The following MSRB3 variants were observed in gnomAD, a reference collection of about 807,000 sequenced individuals.
MSRB3 encodes the protein methionine sulfoxide reductase B3.
MSRB3 carries 13 observed loss-of-function variants against 21.0 expected under a neutral mutation model. That is an observed-to-expected ratio of 0.62 (90% CI 0.40 to 0.98). The LOEUF is 0.98. Ranked by LOEUF, MSRB3 falls within the 50% of genes least tolerant of loss-of-function variation. The pLI is 0.00. For synonymous variants in MSRB3, 87 were observed against 88.6 expected (o/e 0.98, Z 0.10); for missense variants, 199 against 230.3 (o/e 0.86, Z 0.88).
chr12:65,419,140 A>G (rs1219236320), intron 5 of MSRB3: 2 of 682,160 alleles, frequency 2.9e-6, no homozygotes, highest in African/African-American at 3.5e-5. Flanking sequence ...TGAGAGCATC[A>G]TCTCAACAGC....
intron 4 of MSRB3, among the ~76,000 whole-genome samples, chr12:65,337,263 C>CA (rs201263305): frequency 0.035 from 5,137 of 148,630 alleles, 295 homozygotes; most frequent in African/African-American, 0.13. Context: ...AAAAACAAAA[C>CA]AAAACAAAAA....
intron 5 of MSRB3, among the ~76,000 whole-genome samples, chr12:65,412,588 A>T (rs1880772401): frequency 6.6e-6 from 1 of 152,150 alleles, no homozygotes; most frequent in Non-Finnish European, 1.5e-5. Context: ...AGGTTGGTGC[A>T]AAAGTAGTTG....
intron 4 of MSRB3, among the ~76,000 whole-genome samples, chr12:65,350,469 T>C (rs1876886526): frequency 6.6e-6 from 1 of 150,920 alleles, no homozygotes; most frequent in Non-Finnish European, 1.5e-5. Context: ...CAATATTAAC[T>C]TTAAATGTAA....
At chr12:65,427,076 C>T (rs1474733595) in intron 5 of MSRB3, among the ~76,000 whole-genome samples, 1 of 152,180 alleles carries the variant, frequency 6.6e-6, no homozygotes, top group Non-Finnish European at 1.5e-5. Flanking sequence ...TTATTGTGTT[C>T]TCTTGGTAGT....
chr12:65,340,003 A>C (rs1272918801), intron 4 of MSRB3, among the ~76,000 whole-genome samples: 1 of 152,250 alleles, frequency 6.6e-6, no homozygotes, highest in Non-Finnish European at 1.5e-5. Flanking sequence ...ATTACCAGGC[A>C]TACCAAAGTA....
At position 65,323,213 on chromosome 12, in the gene MSRB3, A is replaced by G. The variant is rs114791633; in HGVS notation, c.77-3613A>G. 2.7e-3 allele frequency among the ~76,000 whole-genome samples: 414 copies of G among 152,340 alleles called. 1 individual carries two copies. The highest frequency in any genetic ancestry group is 9.7e-3 in the African/African-American group (403 of 41,566). On this transcript the variant is annotated intron_variant, in intron 2 of 6. Coordinates refer to ENST00000308259, the MANE Select transcript of MSRB3 (RefSeq NM_001031679.3). ...TGGCTGGGAAGCAGGCAGAGCCACA[A>G]AGCAAACTGTTGCTGTACGTTTATT...
chr12:65,359,663 A>C (rs1266477139), intron 4 of MSRB3, among the ~76,000 whole-genome samples: 6 of 152,188 alleles, frequency 3.9e-5, no homozygotes, highest in Admixed American at 3.9e-4. Flanking sequence ...GGTGGTCTCC[A>C]GTAATTTGCA....
intron 5 of MSRB3, among the ~76,000 whole-genome samples, chr12:65,416,163 C>T (rs1169690594): frequency 6.6e-6 from 1 of 152,214 alleles, no homozygotes; most frequent in Non-Finnish European, 1.5e-5. Context: ...GGAAGCCAAT[C>T]CTTTGGTACA....
Position 65,465,490 on chromosome 12 carries a change from G to C in MSRB3, c.*2168G>C, listed in dbSNP as rs987236334. ...TAAAGAAACAACAAGAAATTAGAATGAAAATCTGTGACAAACAGCGTCAGT... is the reference window on the plus strand; with the variant it reads ...TAAAGAAACAACAAGAAATTAGAATCAAAATCTGTGACAAACAGCGTCAGT... On this transcript the variant is annotated 3_prime_UTR_variant, in exon 7 of 7. Transcript: ENST00000308259. 8 of 152,284 alleles carry C rather than the reference G, an allele frequency of 5.3e-5. No individual in the cohort carries two copies. The highest frequency in any genetic ancestry group is 1.9e-4 in the African/African-American group (8 of 41,564). The allele number at this position is 152,284 out of a possible 1,614,324, so 9.4% of individuals were successfully genotyped here.
intron 2 of MSRB3, among the ~76,000 whole-genome samples, chr12:65,311,822 T>C (rs1273725370): frequency 6.6e-6 from 1 of 152,090 alleles, no homozygotes; most frequent in Non-Finnish European, 1.5e-5. Flanking sequence ...GCTCTTAAAG[T>C]TGATTATAAC....
At chr12:65,437,278 G>A (rs150639424) in intron 5 of MSRB3, among the ~76,000 whole-genome samples, 7 of 151,858 alleles carry the variant, frequency 4.6e-5, no homozygotes, top group South Asian at 4.2e-4. Flanking sequence ...AGTAGAGATC[G>A]GCATAGCCAC....
At chr12:65,351,834 C>A (rs1310148154) in intron 4 of MSRB3, among the ~76,000 whole-genome samples, 3 of 152,076 alleles carry the variant, frequency 2.0e-5, no homozygotes, top group African/African-American at 4.8e-5. Context: ...GTTTACCAAC[C>A]AAAAAGAGTC....
At chr12:65,297,250 G>A (rs879846779) in intron 1 of MSRB3, among the ~76,000 whole-genome samples, 1 of 152,084 alleles carries the variant, frequency 6.6e-6, no homozygotes, top group Non-Finnish European at 1.5e-5. Flanking sequence ...AGAGCATTAG[G>A]AAAAATAGCT....
chr12:65,416,617 T>C (rs1284225206), intron 5 of MSRB3, among the ~76,000 whole-genome samples: 1 of 152,194 alleles, frequency 6.6e-6, no homozygotes, highest in Non-Finnish European at 1.5e-5. Flanking sequence ...TGTAACTGGT[T>C]AAGTCTTTAT....
chr12:65,336,058 C>T (rs1254643449), intron 4 of MSRB3, among the ~76,000 whole-genome samples: 4 of 152,046 alleles, frequency 2.6e-5, no homozygotes, highest in Non-Finnish European at 5.9e-5. Flanking sequence ...TTCTCTCAGC[C>T]CACTGACCCT....
At chr12:65,283,285 AC>A (rs1872147785) in intron 1 of MSRB3, among the ~76,000 whole-genome samples, 1 of 152,190 alleles carries the variant, frequency 6.6e-6, no homozygotes, top group African/African-American at 2.4e-5. Context: ...TCTTCATACC[AC>A]AGAATTTGTA....
At chr12:65,374,414 T>C (rs1878488180) in intron 5 of MSRB3, among the ~76,000 whole-genome samples, 1 of 152,214 alleles carries the variant, frequency 6.6e-6, no homozygotes, top group South Asian at 2.1e-4. Flanking sequence ...AATCTTATGC[T>C]GGTTGGTTGG....
chr12:65,328,590 A>T lies in MSRB3; in HGVS notation c.250A>T (p.Thr84Ser). The change falls in exon 4 of 7, where the codon ACT becomes TCT. Residue 84 changes from threonine to serine, a missense_variant. Thr to Ser is a moderately conservative substitution (Grantham distance 58). Coordinates refer to ENST00000308259, the MANE Select transcript of MSRB3 (RefSeq NM_001031679.3). ...PGIYKCVVCG[T>S]PLFKSETKFD... ...AATATATAAATGTGTTGTTTGTGGA[A>T]CTCCATTGTTTAAGTAAGTATGTTG... 6.2e-7 allele frequency: 1 copy of T among 1,611,020 alleles called. No homozygotes were observed. Among genetic ancestry groups the T allele is most frequent in the African/African-American group, 1.3e-5 (1 of 74,950 alleles).
intron 5 of MSRB3, among the ~76,000 whole-genome samples, chr12:65,410,083 G>A (rs1399502618): frequency 2.0e-5 from 3 of 151,670 alleles, no homozygotes; most frequent in Admixed American, 1.3e-4. Flanking sequence ...TGTTTTAATT[G>A]CATTATTTAA....
Sources: allele counts gnomAD v4.1 joint callset (sites outside exome capture counted in the v4.1 genomes callset), GRCh38; gene constraint gnomAD v4.1.1; transcripts MANE v1.5; gene names NCBI Gene and HGNC (gene_info 2026-07-23, HGNC 2026-07-21).